KCNQ5: variants seen among roughly 807,000 people sequenced by gnomAD.
KCNQ5 encodes the protein potassium voltage-gated channel subfamily KQT member 5.
KCNQ5 carries 30 observed loss-of-function variants against 98.2 expected under a neutral mutation model. That is an observed-to-expected ratio of 0.31 (90% CI 0.23 to 0.41). The LOEUF (loss-of-function observed/expected upper bound fraction) is 0.41. Ranked by LOEUF, KCNQ5 falls within the 10% of genes least tolerant of loss-of-function variation. The pLI is 1.00. For missense variants in KCNQ5, 835 were observed against 1,182.5 expected (o/e 0.71, Z 4.31); for synonymous variants, 458 against 449.4 (o/e 1.02, Z -0.24).
chr6:72,877,223 C>A (rs1249968798), intron 1 of KCNQ5, among the ~76,000 whole-genome samples: 1 of 152,046 alleles, frequency 6.6e-6, no homozygotes, highest in Non-Finnish European at 1.5e-5. Flanking sequence ...TTGCCCCGAC[C>A]CCCCCGACAG....
chr6:72,854,199 G>T (rs767885798), intron 1 of KCNQ5, among the ~76,000 whole-genome samples: 2 of 152,156 alleles, frequency 1.3e-5, no homozygotes, highest in Non-Finnish European at 2.9e-5. Flanking sequence ...AGAAAAGCAT[G>T]CTTTTAGTTT....
intron 1 of KCNQ5, among the ~76,000 whole-genome samples, chr6:72,875,376 C>T (rs569963327): frequency 9.8e-5 from 15 of 152,296 alleles, no homozygotes; most frequent in African/African-American, 3.4e-4. Context: ...TAGATTTTCA[C>T]AAGTAAACTT....
chr6:73,124,556 T>A, intron 9 of KCNQ5, 44 bp downstream of exon 9: 1 of 1,570,090 alleles, frequency 6.4e-7, no homozygotes. Flanking sequence ...ATAAATCTGA[T>A]ACCTACCAGG....
At chr6:73,150,045 A>C (rs1777089257) in intron 10 of KCNQ5, among the ~76,000 whole-genome samples, 1 of 151,984 alleles carries the variant, frequency 6.6e-6, no homozygotes, top group Admixed American at 6.5e-5. Flanking sequence ...GAAAATAGGC[A>C]GAAAACGTGA....
intron 1 of KCNQ5, among the ~76,000 whole-genome samples, chr6:72,838,912 T>C (rs1026064212): frequency 1.6e-5 from 2 of 124,746 alleles, no homozygotes; most frequent in East Asian, 4.6e-4. Context: ...ATCCCGCCAC[T>C]GCACTCCAGC....
chr6:72,851,509 T>C (rs1562024172), intron 1 of KCNQ5, among the ~76,000 whole-genome samples: 1 of 152,160 alleles, frequency 6.6e-6, no homozygotes, highest in African/African-American at 2.4e-5. Context: ...TTCCCACTTG[T>C]TTTTTTAATA....
At chr6:72,823,734 AGCTAAAT>A (rs749507371) in intron 1 of KCNQ5, among the ~76,000 whole-genome samples, 5 of 152,164 alleles carry the variant, frequency 3.3e-5, no homozygotes, top group Admixed American at 6.5e-5. Context: ...TTATGGTCCA[AGCTAAAT>A]GCTACCTCAG....
At chr6:72,698,918 G>A (rs750937860) in intron 1 of KCNQ5, among the ~76,000 whole-genome samples, 3 of 151,672 alleles carry the variant, frequency 2.0e-5, no homozygotes, top group Non-Finnish European at 2.9e-5. Context: ...CTTGGCGTCC[G>A]ACAGTGCTGG....
chr6:72,719,051 C>T (rs1013323229), intron 1 of KCNQ5, among the ~76,000 whole-genome samples: 1 of 152,254 alleles, frequency 6.6e-6, no homozygotes, highest in Middle Eastern at 3.4e-3. Context: ...TAACTGTTTA[C>T]TGAGAATCTC....
chr6:72,662,962 T>C (rs755224414), intron 1 of KCNQ5, among the ~76,000 whole-genome samples: 1 of 152,206 alleles, frequency 6.6e-6, no homozygotes, highest in Non-Finnish European at 1.5e-5. Context: ...TAAAATATTT[T>C]AAAGGTCTTC....
intron 5 of KCNQ5, among the ~76,000 whole-genome samples, chr6:73,092,925 T>C (rs1238073834): frequency 6.6e-6 from 1 of 152,188 alleles, no homozygotes; most frequent in Non-Finnish European, 1.5e-5. Context: ...ACTGGCTTCA[T>C]AGAATGAATT....
intron 1 of KCNQ5, among the ~76,000 whole-genome samples, chr6:72,865,753 A>G (rs886358165): frequency 1.3e-5 from 2 of 152,174 alleles, no homozygotes; most frequent in African/African-American, 2.4e-5. Flanking sequence ...TCTTCTACTC[A>G]TGTGTACCCC....
At chr6:72,894,901 G>A (rs994547887) in intron 1 of KCNQ5, among the ~76,000 whole-genome samples, 7 of 151,924 alleles carry the variant, frequency 4.6e-5, no homozygotes, top group Non-Finnish European at 8.8e-5. Context: ...CTATTATGTG[G>A]TCAGACAAGG....
rs374433466 is a variant in KCNQ5 at position 72,721,406 on chromosome 6, A to T, written c.398+98819A>T. Among the ~76,000 whole-genome samples the T allele has an allele frequency of 3.9e-4, 60 of 151,962 alleles. 2 individuals carry two copies. Among genetic ancestry groups the T allele is most frequent in the African/African-American group, 1.4e-3 (56 of 41,356 alleles). ...AGCTTAAAATACACTTTTGATTTGC[A>T]CTTTTTTTTTTAAAGTCCTGATCTC... On this transcript the variant is annotated intron_variant, in intron 1 of 13. Coordinates refer to ENST00000370398, the MANE Select transcript of KCNQ5 (RefSeq NM_019842.4).
chr6:73,110,510 G>T (rs1442153654), intron 6 of KCNQ5, among the ~76,000 whole-genome samples: 5 of 152,036 alleles, frequency 3.3e-5, no homozygotes, highest in African/African-American at 1.2e-4. Context: ...ACCTAGAAGG[G>T]AATACTAATC....
chr6:72,854,758 T>TTG (rs34867008), intron 1 of KCNQ5, among the ~76,000 whole-genome samples: 27,795 of 126,748 alleles, frequency 0.22, 2,970 homozygotes, highest in South Asian at 0.28. Flanking sequence ...ACACCATGGT[T>TTG]TGTGTGTGTG....
chr6:72,684,608 CA>C (rs1767861630), intron 1 of KCNQ5, among the ~76,000 whole-genome samples: 1 of 152,098 alleles, frequency 6.6e-6, no homozygotes, highest in South Asian at 2.1e-4. Context: ...GTCTGTCAAT[CA>C]AAAATTATAA....
intron 11 of KCNQ5, among the ~76,000 whole-genome samples, chr6:73,180,905 C>A (rs3799281): frequency 6.6e-6 from 1 of 152,182 alleles, no homozygotes; most frequent in South Asian, 2.1e-4. Flanking sequence ...ATCTGTTTGG[C>A]GGTGGCAGCA....
chr6:72,644,763 C>T (rs1293759508), intron 1 of KCNQ5, among the ~76,000 whole-genome samples: 1 of 152,048 alleles, frequency 6.6e-6, no homozygotes, highest in Non-Finnish European at 1.5e-5. Context: ...TCCCGTAGTC[C>T]TTCTTATTCT....
Sources: allele counts gnomAD v4.1 joint callset (sites outside exome capture counted in the v4.1 genomes callset), GRCh38; gene constraint gnomAD v4.1.1; transcripts MANE v1.5; gene names NCBI Gene and HGNC (gene_info 2026-07-23, HGNC 2026-07-21).